PAK2: variants seen among roughly 807,000 people sequenced by gnomAD.
PAK2 encodes p21 (RAC1) activated kinase 2.
In PAK2, 21 loss-of-function variants were observed where a neutral mutation model predicts 65.9. The ratio of observed to expected loss-of-function variants is 0.32; its 90% CI spans 0.23 to 0.46. The LOEUF is 0.46. PAK2 is among the 20% of genes least tolerant of loss of function. The probability of loss-of-function intolerance (pLI) is 1.00; values close to 1 mark genes in which losing one functional copy is unlikely to be tolerated. For missense variants in PAK2, 324 were observed against 642.6 expected, an observed-to-expected ratio of 0.50 and a Z score of 5.36; for synonymous variants, 204 against 219.7, an observed-to-expected ratio of 0.93 and a Z score of 0.63.
intron 11 of PAK2, among the ~76,000 whole-genome samples, chr3:196,817,752 C>T (rs1302654665): frequency 5.3e-5 from 8 of 152,070 alleles, no homozygotes; most frequent in Admixed American, 5.2e-4. Context: ...GCCTGTCTCA[C>T]CCGGCCAGGA....
intron 1 of PAK2, among the ~76,000 whole-genome samples, chr3:196,766,570 C>G (rs1310824868): frequency 6.6e-6 from 1 of 152,142 alleles, no homozygotes; most frequent in Non-Finnish European, 1.5e-5. Flanking sequence ...GGATGGCTAT[C>G]TTACTACAAG....
chr3:196,743,652 A>T (rs1289517382), intron 1 of PAK2, among the ~76,000 whole-genome samples: 2 of 152,194 alleles, frequency 1.3e-5, no homozygotes, highest in African/African-American at 4.8e-5. Flanking sequence ...GTTCAAGACC[A>T]GCCTGGCCAA....
At chr3:196,752,628 T>A (rs983108828) in intron 1 of PAK2, among the ~76,000 whole-genome samples, 2 of 152,104 alleles carry the variant, frequency 1.3e-5, no homozygotes, top group African/African-American at 2.4e-5. Flanking sequence ...GAGACAGAGT[T>A]TCACTCTGTT....
At chr3:196,810,953 G>A (rs1577739331) in intron 8 of PAK2, among the ~76,000 whole-genome samples, 1 of 151,996 alleles carries the variant, frequency 6.6e-6, no homozygotes, top group Non-Finnish European at 1.5e-5. Context: ...AATATTTACT[G>A]CATGACTATA....
chr3:196,823,726 G>A (rs1711729919), intron 13 of PAK2, among the ~76,000 whole-genome samples: 2 of 151,282 alleles, frequency 1.3e-5, no homozygotes, highest in Admixed American at 1.3e-4. Context: ...GCCAGGCATG[G>A]TGGCGTGCAC....
At chr3:196,812,323 A>C in intron 9 of PAK2, 56 bp downstream of exon 9, 2 of 1,020,332 alleles carry the variant, frequency 2.0e-6, no homozygotes, top group Non-Finnish European at 3.1e-6. Context: ...ATAGGTGGAA[A>C]CTAGATGAAG....
Position 196,820,684 on chromosome 3 carries a change from C to A in PAK2, c.1350+117C>A, listed in dbSNP as rs1028760307. 6 of 513,174 alleles carry A rather than the reference C, an allele frequency of 1.2e-5. No homozygotes were observed. Among genetic ancestry groups the A allele is most frequent in the African/African-American group, 7.8e-5 (4 of 51,314 alleles). The allele number at this position is 513,174 out of a possible 1,614,324, so 31.8% of individuals were successfully genotyped here. A position where few individuals can be genotyped will look rare whatever the true frequency, so the allele number is the denominator to read the frequency against. On this transcript the variant is annotated intron_variant, in intron 13 of 14. Transcript: ENST00000327134. The surrounding 1 kb of genome is among the most constrained non-coding windows in gnomAD (Gnocchi z 4.6). ...AAGTAGAAGGTTGATAAAACCTAAT[C>A]TCTGCCCCTAACTCTGCATCTAGAA...
chr3:196,788,898 G>A (rs1474485903), intron 2 of PAK2, among the ~76,000 whole-genome samples: 1 of 152,160 alleles, frequency 6.6e-6, no homozygotes, highest in Non-Finnish European at 1.5e-5. Context: ...GGTGTATGTA[G>A]GCACTACAGA....
At chr3:196,781,284 T>C (rs932301938) in intron 1 of PAK2, among the ~76,000 whole-genome samples, 3 of 152,184 alleles carry the variant, frequency 2.0e-5, no homozygotes, top group African/African-American at 4.8e-5. Flanking sequence ...TGGGAAAATA[T>C]GTTGTTTTCT....
chr3:196,799,538 C>T (rs776132764), intron 2 of PAK2, among the ~76,000 whole-genome samples: 1 of 152,204 alleles, frequency 6.6e-6, no homozygotes, highest in African/African-American at 2.4e-5. Context: ...TGCTCTCTTT[C>T]TTGCAATGTG....
At chr3:196,788,037 AC>A (rs1714951563) in intron 2 of PAK2, among the ~76,000 whole-genome samples, 1 of 152,222 alleles carries the variant, frequency 6.6e-6, no homozygotes, top group African/African-American at 2.4e-5. Flanking sequence ...AGTTTCAGCC[AC>A]CTGCAGCAGT....
At chr3:196,742,897 GCT>G (rs1713254457) in intron 1 of PAK2, among the ~76,000 whole-genome samples, 1 of 152,182 alleles carries the variant, frequency 6.6e-6, no homozygotes, top group African/African-American at 2.4e-5. Context: ...TCCCGCCTGG[GCT>G]ACAGAGCGAG....
chr3:196,812,886 A>T (rs988260192), intron 10 of PAK2, 35 bp downstream of exon 10: 2 of 935,056 alleles, frequency 2.1e-6, no homozygotes, highest in Admixed American at 2.0e-5. Context: ...CCGGGAGAAA[A>T]TGTAGAAATT....
chr3:196,815,553 C>T (rs908993116), intron 11 of PAK2, among the ~76,000 whole-genome samples: 4 of 151,532 alleles, frequency 2.6e-5, no homozygotes, highest in Non-Finnish European at 5.9e-5. Flanking sequence ...CTTTGGGAGG[C>T]CGAGGCGGGC....
chr3:196,816,285 T>A (rs978552593), intron 11 of PAK2, among the ~76,000 whole-genome samples: 1 of 152,170 alleles, frequency 6.6e-6, no homozygotes, highest in African/African-American at 2.4e-5. Flanking sequence ...AATATTAAAA[T>A]TTTAATTCTG....
intron 1 of PAK2, among the ~76,000 whole-genome samples, chr3:196,766,202 T>A (rs967575688): frequency 1.3e-5 from 2 of 152,156 alleles, no homozygotes; most frequent in South Asian, 4.1e-4. Flanking sequence ...GCCTCTTTTT[T>A]AAATTTTTAT....
intron 1 of PAK2, among the ~76,000 whole-genome samples, chr3:196,746,822 A>G: frequency 1.1e-5 from 1 of 90,622 alleles, no homozygotes; most frequent in Non-Finnish European, 2.4e-5. Context: ...TTAAAAAAAA[A>G]AAAAAAAAGG....
At chr3:196,806,795 A>G in intron 6 of PAK2, 109 bp downstream of exon 6, 1 of 701,006 alleles carries the variant, frequency 1.4e-6, no homozygotes. Context: ...CTCAAGTTTA[A>G]AATCGTTTAG....
rs1233900722 is a variant in PAK2 at position 196,810,572 on chromosome 3, G to C, written c.710-18G>C. On this transcript the variant is annotated intron_variant, in intron 7 of 14. Coordinates refer to ENST00000327134, the MANE Select transcript of PAK2 (RefSeq NM_002577.4). Reference sequence around the variant, plus strand: ...CTTAAAATGCTTGACTGAGCTTCCAGCTTTTTGTTTATTCTAGGAACTATC... The same window carrying C: ...CTTAAAATGCTTGACTGAGCTTCCACCTTTTTGTTTATTCTAGGAACTATC... 3 of 1,454,922 alleles carry C rather than the reference G, an allele frequency of 2.1e-6. No individual in the cohort carries two copies. The highest frequency in any genetic ancestry group is 2.9e-6 in the Non-Finnish European group (3 of 1,039,370). The allele number at this position is 1,454,922 out of a possible 1,614,324, so 90.1% of individuals were successfully genotyped here.
Sources: allele counts gnomAD v4.1 joint callset (sites outside exome capture counted in the v4.1 genomes callset), GRCh38; gene constraint gnomAD v4.1.1; non-coding constraint Gnocchi (gnomAD v3.1); transcripts MANE v1.5; gene names NCBI Gene and HGNC (gene_info 2026-07-23, HGNC 2026-07-21).